The following OSGIN2 variants were observed in gnomAD, a reference collection of about 807,000 sequenced individuals.
OSGIN2 encodes oxidative stress induced growth inhibitor family member 2.
A neutral mutation model predicts 53.8 loss-of-function variants in OSGIN2; 19 were observed. The observed-to-expected ratio is 0.35, with a 90% confidence interval of 0.25 to 0.52. The LOEUF (loss-of-function observed/expected upper bound fraction) is 0.52, where lower values mean the gene tolerates loss of function less well. OSGIN2 is among the 20% of genes least tolerant of loss of function. The pLI is 0.95. For synonymous variants in OSGIN2, 236 were observed against 236.0 expected (o/e 1.00, Z 0.00); for missense variants, 520 against 662.7 (o/e 0.78, Z 2.36).
At chr8:89,914,516 T>A (rs779924646) in intron 3 of OSGIN2, 39 bp from the exon 4 acceptor site, 3 of 1,516,154 alleles carry the variant, frequency 2.0e-6, no homozygotes, top group African/African-American at 1.4e-5. Context: ...TGGGAAATGC[T>A]GGCTTTTTTC....
At chr8:89,923,697 T>C (rs550297840) in intron 5 of OSGIN2, among the ~76,000 whole-genome samples, 2 of 152,358 alleles carry the variant, frequency 1.3e-5, no homozygotes, top group East Asian at 3.9e-4. Flanking sequence ...AGTAAGCTAG[T>C]TGTTATTAAA....
chr8:89,925,079 A>C lies in OSGIN2; in HGVS notation c.1197A>C (p.Lys399Asn). The change falls in exon 6 of 6, where the codon AAA becomes AAC. Residue 399 changes from lysine to asparagine, a missense_variant. Around this residue, in one of 3 missense-constraint regions of OSGIN2, gnomAD observed 239 missense variants for 328.3 expected, o/e 0.73. Coordinates refer to ENST00000451899, the MANE Select transcript of OSGIN2 (RefSeq NM_001126111.3). ...LPKKLYPEYHKVYHMMCTQSY... is the reference protein window; with the variant it reads ...LPKKLYPEYHNVYHMMCTQSY... ...AAAAGCTGTATCCTGAATATCATAA[A>C]GTCTATCATATGATGTGTACTCAGT... 2 of 1,613,170 alleles carry C rather than the reference A, an allele frequency of 1.2e-6. No individual in the cohort carries two copies. Among genetic ancestry groups the C allele is most frequent in the Non-Finnish European group, 1.7e-6 (2 of 1,179,058 alleles).
In OSGIN2 at chr8:89,926,573, T is replaced by C. The variant is rs1344733026; in HGVS notation, c.*1041T>C. 2 of 152,592 alleles carry C rather than the reference T, an allele frequency of 1.3e-5. No homozygotes were observed. The highest frequency in any genetic ancestry group is 4.8e-5 in the African/African-American group (2 of 41,462). 9.5% of individuals were successfully genotyped at this position (152,592 alleles called of 1,614,324 possible). ...TTCCAAAGGTGTACTTAGAGATCTCTATTAGTATTCATTCGAGATGACATA... is the reference window on the plus strand; with the variant it reads ...TTCCAAAGGTGTACTTAGAGATCTCCATTAGTATTCATTCGAGATGACATA... On this transcript the variant is annotated 3_prime_UTR_variant, in exon 6 of 6. Coordinates refer to ENST00000451899, the MANE Select transcript of OSGIN2 (RefSeq NM_001126111.3).
Position 89,924,640 on chromosome 8 carries a change from A to G in OSGIN2, c.758A>G (p.Asp253Gly). Residue 253 changes from aspartate to glycine, a missense_variant, in exon 6 of 6, where the codon GAT (aspartate) becomes GGT (glycine). Transcript: ENST00000451899. ...GTATCAAGACTCTACAGAGATCAAG[A>G]TGATGATGATATTCAAGACAGAGAT... ...TSVSRLYRDQ[D>G]DDDIQDRDIS... 1 of 1,613,818 alleles carries G rather than the reference A, an allele frequency of 6.2e-7. No homozygotes were observed. The highest frequency in any genetic ancestry group is 8.5e-7 in the Non-Finnish European group (1 of 1,179,708).
chr8:89,902,918 C>T, intron 1 of OSGIN2, 81 bp downstream of exon 1: 1 of 1,056,486 alleles, frequency 9.5e-7, no homozygotes, highest in South Asian at 2.4e-5. Context: ...CGGGCCGGGA[C>T]CGGGGTGGAG....
intron 1 of OSGIN2, among the ~76,000 whole-genome samples, chr8:89,903,202 C>T (rs1445629712): frequency 2.0e-5 from 3 of 152,156 alleles, no homozygotes; most frequent in African/African-American, 7.2e-5. Context: ...CTTAAAAAGT[C>T]TTCTAAATAA....
intron 4 of OSGIN2, among the ~76,000 whole-genome samples, chr8:89,915,639 T>C (rs910062769): frequency 3.9e-5 from 6 of 152,248 alleles, no homozygotes; most frequent in African/African-American, 1.4e-4. Flanking sequence ...TCATTTGTTA[T>C]ACAAATTGAT....
Position 89,909,653 on chromosome 8 carries a change from C to A in OSGIN2, c.131C>A (p.Ala44Glu). The A allele has an allele frequency of 6.2e-7, 1 of 1,609,594 alleles. No individual in the cohort carries two copies. The change falls in exon 2 of 6, where the codon GCG (alanine) becomes GAG (glutamate). Residue 44 changes from alanine to glutamate, a missense_variant. Physicochemically the swap from Ala to Glu is moderately radical, Grantham distance 107. This residue lies in a region of OSGIN2 where 203 missense variants were observed against 275.3 expected (regional missense o/e 0.74). Coordinates refer to ENST00000451899, the MANE Select transcript of OSGIN2 (RefSeq NM_001126111.3). The part of the protein sequence containing the change: ...FGDNLGRKVK[A>E]MPLVEETSLL... ...GACAACTTGGGGCGAAAAGTTAAAG[C>A]GATGCCATTAGTTGAAGAAACTTCT... is the stretch of plus-strand genomic sequence containing the variant.
intron 5 of OSGIN2, among the ~76,000 whole-genome samples, chr8:89,923,248 T>G (rs1809246101): frequency 6.6e-6 from 1 of 152,240 alleles, no homozygotes; most frequent in Admixed American, 6.5e-5. Flanking sequence ...TGTAGGAATT[T>G]TTCAGCTCCT....
chr8:89,918,590 C>T (rs148993931), intron 4 of OSGIN2, among the ~76,000 whole-genome samples: 1 of 152,300 alleles, frequency 6.6e-6, no homozygotes, highest in African/African-American at 2.4e-5. Context: ...TTAATTGATT[C>T]CCAAATCAGA....
chr8:89,913,329 G>T (rs148941116), intron 2 of OSGIN2, among the ~76,000 whole-genome samples: 1 of 152,276 alleles, frequency 6.6e-6, no homozygotes, highest in East Asian at 1.9e-4. Context: ...AAGACAGCCG[G>T]CCTTTGAAGC....
chr8:89,909,759 A>G (rs751952069), intron 2 of OSGIN2, 38 bp downstream of exon 2: 1 of 1,314,012 alleles, frequency 7.6e-7, no homozygotes, highest in South Asian at 1.3e-5. Context: ...ATTATAGTTA[A>G]TGACCCTTAA....
intron 1 of OSGIN2, among the ~76,000 whole-genome samples, chr8:89,906,510 T>C (rs1808841672): frequency 6.6e-6 from 1 of 152,162 alleles, no homozygotes; most frequent in Admixed American, 6.5e-5. Flanking sequence ...AGCTCCCCCT[T>C]ATAAGTGACA....
chr8:89,912,540 G>C (rs1586001911), intron 2 of OSGIN2, among the ~76,000 whole-genome samples: 1 of 152,134 alleles, frequency 6.6e-6, no homozygotes, highest in African/African-American at 2.4e-5. Flanking sequence ...TGGATCAAGA[G>C]ATCAAGACTG....
intron 4 of OSGIN2, among the ~76,000 whole-genome samples, chr8:89,919,463 A>G (rs1809152087): frequency 6.6e-6 from 1 of 152,188 alleles, no homozygotes; most frequent in South Asian, 2.1e-4. Context: ...CTCCCAGAGC[A>G]AAAACTGGTA....
chr8:89,906,900 A>C (rs1462363488), intron 1 of OSGIN2, among the ~76,000 whole-genome samples: 1 of 152,182 alleles, frequency 6.6e-6, no homozygotes, highest in Non-Finnish European at 1.5e-5. Flanking sequence ...CCAACATATA[A>C]GCATTCCCTT....
In OSGIN2 at chr8:89,926,606, A is replaced by G. The variant is rs1809339144; in HGVS notation, c.*1074A>G. The G allele has an allele frequency of 6.6e-6, 1 of 152,486 alleles. No homozygotes were observed. The highest frequency in any genetic ancestry group is 1.5e-5 in the Non-Finnish European group (1 of 68,028). The allele number at this position is 152,486 out of a possible 1,614,324, so 9.4% of individuals were successfully genotyped here. On this transcript the variant is annotated 3_prime_UTR_variant, in exon 6 of 6. Coordinates refer to ENST00000451899, the MANE Select transcript of OSGIN2 (RefSeq NM_001126111.3). ...TTCATTCGAGATGACATAGCAGCTC[A>G]TATCATGGTTGTTTATTGGATTTAT... is the stretch of plus-strand genomic sequence containing the variant.
At chr8:89,922,145 GACT>G (rs1470545716) in intron 5 of OSGIN2, among the ~76,000 whole-genome samples, 1 of 152,114 alleles carries the variant, frequency 6.6e-6, no homozygotes, top group Non-Finnish European at 1.5e-5. Flanking sequence ...ACTCTAATTT[GACT>G]ACTCACAAAA....
At chr8:89,905,882 C>T (rs1185045553) in intron 1 of OSGIN2, among the ~76,000 whole-genome samples, 2 of 152,176 alleles carry the variant, frequency 1.3e-5, no homozygotes, top group Non-Finnish European at 2.9e-5. Context: ...AATTGTATTT[C>T]TGTACATTAA....
Sources: gnomAD v4.1 joint callset for allele counts (sites outside exome capture counted in the v4.1 genomes callset) on GRCh38, gnomAD v4.1.1 for gene constraint, gnomAD v4.1.1 regional missense constraint, MANE v1.5 for transcripts, NCBI Gene and HGNC (gene_info 2026-07-23, HGNC 2026-07-21) for gene names.